DMXL1: variants seen among roughly 807,000 people sequenced by gnomAD.
The protein encoded by DMXL1 is Dmx like 1.
In DMXL1, 99 loss-of-function variants were observed where a neutral mutation model predicts 319.2. The observed-to-expected ratio is 0.31, with a 90% confidence interval of 0.26 to 0.37. The LOEUF (loss-of-function observed/expected upper bound fraction) is 0.37. Among genes scored for constraint, DMXL1 ranks in the 10% least tolerant of loss-of-function variants. DMXL1 has a pLI of 1.00. For missense variants in DMXL1, 3,745 were observed against 3,595.6 expected (o/e 1.04, Z -1.06); for synonymous variants, 1,385 against 1,235.2 (o/e 1.12, Z -2.54).
intron 13 of DMXL1, among the ~76,000 whole-genome samples, chr5:119,142,755 T>G (rs953824315): frequency 6.6e-6 from 1 of 152,062 alleles, no homozygotes; most frequent in Non-Finnish European, 1.5e-5. Flanking sequence ...ATTGCAGCAT[T>G]ATTCACAATA....
intron 3 of DMXL1, among the ~76,000 whole-genome samples, chr5:119,103,430 T>C (rs77941619): frequency 0.039 from 5,990 of 152,304 alleles, 316 homozygotes; most frequent in African/African-American, 0.12. Flanking sequence ...CTTCTTTTTA[T>C]GAATAAGGCA....
intron 34 of DMXL1, among the ~76,000 whole-genome samples, chr5:119,207,429 G>C: frequency 6.6e-6 from 1 of 152,092 alleles, no homozygotes; most frequent in East Asian, 1.9e-4. Context: ...AGTACTCATG[G>C]TACTTGAGAA....
rs915526183 is a variant in DMXL1 at position 119,158,687 on chromosome 5, C to T, written c.4703-5820C>T. 6.8e-4 allele frequency among the ~76,000 whole-genome samples: 104 copies of T among 152,254 alleles called. 1 individual carries two copies. Among genetic ancestry groups the T allele is most frequent in the Non-Finnish European group, 1.5e-4 (10 of 68,026 alleles). On this transcript the variant is annotated intron_variant, in intron 19 of 43. Transcript: ENST00000539542. ...ACACCTAATTTGGGAGAGTTTTTGT[C>T]ATGAAAGGATGTCGAATTTTATCAG...
Position 119,071,662 on chromosome 5 carries a change from TGAGG to T in DMXL1, c.87+11_87+14del, listed in dbSNP as rs1749588215. ...TTGGCGACCAGCGCTTCACGGTGAG[TGAGG>T]GAGGCCCTCGCGTCGCCCGTGGCCC... On this transcript the variant is annotated splice_region_variant and intron_variant, in intron 1 of 43. Coordinates refer to ENST00000539542, the MANE Select transcript of DMXL1 (RefSeq NM_001290321.3). The T allele has an allele frequency of 6.3e-7, 1 of 1,580,348 alleles. No homozygotes were observed. The highest frequency in any genetic ancestry group is 2.3e-5 in the East Asian group (1 of 42,972).
chr5:119,193,326 A>G (rs1315299958), intron 29 of DMXL1, among the ~76,000 whole-genome samples: 1 of 152,048 alleles, frequency 6.6e-6, no homozygotes, highest in Non-Finnish European at 1.5e-5. Flanking sequence ...ACTCTTTCCC[A>G]AACTCTTTCT....
At position 119,147,486 on chromosome 5, in the gene DMXL1, GAA is replaced by G. The variant is rs1303316735; in HGVS notation, c.2911+19_2911+20del. The G allele has an allele frequency of 6.3e-6, 10 of 1,575,264 alleles. No homozygotes were observed. The highest frequency in any genetic ancestry group is 1.7e-4 in the Middle Eastern group (1 of 5,972). The stretch of plus-strand genomic sequence containing the variant: ...CCATCAGCAGGTTTGTAAATTTTAT[GAA>G]AAGAGACTAATTTTGTAACACATGA... On this transcript the variant is annotated intron_variant, in intron 17 of 43. Coordinates refer to ENST00000539542, the MANE Select transcript of DMXL1 (RefSeq NM_001290321.3).
chr5:119,210,568 C>T lies in DMXL1; in HGVS notation c.7926+3672C>T, dbSNP rs1019556014. 2.6e-5 allele frequency among the ~76,000 whole-genome samples: 4 copies of T among 152,090 alleles called. No homozygotes were observed. In the East Asian group the frequency reaches 7.7e-4, roughly 29 times the overall value. ...TTTTCTTTCACTAAACTACCTCTTTCACCTTTTCAAAAATCAGTTGACACA... is the reference window on the plus strand; with the variant it reads ...TTTTCTTTCACTAAACTACCTCTTTTACCTTTTCAAAAATCAGTTGACACA... On this transcript the variant is annotated intron_variant, in intron 34 of 43. Coordinates refer to ENST00000539542, the MANE Select transcript of DMXL1 (RefSeq NM_001290321.3).
At chr5:119,113,957 A>G (rs1479176311) in intron 5 of DMXL1, among the ~76,000 whole-genome samples, 2 of 152,182 alleles carry the variant, frequency 1.3e-5, no homozygotes, top group African/African-American at 2.4e-5. Context: ...AGGGAAGGCA[A>G]TGAAGAGAAA....
chr5:119,085,575 A>G lies in DMXL1; in HGVS notation c.88-12404A>G, dbSNP rs141530656. On this transcript the variant is annotated intron_variant, in intron 1 of 43. Coordinates refer to ENST00000539542, the MANE Select transcript of DMXL1 (RefSeq NM_001290321.3). ...TTACTGAATTTGTTCATCCGTTCTA[A>G]CAGGTTTTTTTGGTGCAATCTTAAG... Among the ~76,000 whole-genome samples the G allele has an allele frequency of 4.6e-5, 7 of 152,198 alleles. No individual in the cohort carries two copies. The East Asian group carries it at 1.4e-3, about 29-fold the overall frequency.
chr5:119,242,636 A>G (rs1673903921), intron 42 of DMXL1, among the ~76,000 whole-genome samples: 2 of 152,364 alleles, frequency 1.3e-5, no homozygotes, highest in South Asian at 4.1e-4. Context: ...TGGGAAAGCA[A>G]AGGAATAGCC....
intron 5 of DMXL1, among the ~76,000 whole-genome samples, chr5:119,113,109 G>T (rs1384792698): frequency 6.6e-6 from 1 of 152,090 alleles, no homozygotes; most frequent in East Asian, 1.9e-4. Context: ...AAAATTATTT[G>T]AAATCATTGT....
intron 9 of DMXL1, among the ~76,000 whole-genome samples, chr5:119,124,215 T>TG (rs1762965683): frequency 6.7e-6 from 1 of 149,868 alleles, no homozygotes; most frequent in Admixed American, 6.7e-5. Context: ...CTTGGGAGGC[T>TG]GGGGCAGGAG....
At chr5:119,182,253 T>TAAATTTGGCCAGTGAA (rs1776911270) in intron 28 of DMXL1, among the ~76,000 whole-genome samples, 2 of 152,248 alleles carry the variant, frequency 1.3e-5, no homozygotes, top group Admixed American at 6.5e-5. Context: ...TAAAATTTTT[T>TAAATTTGGCCAGTGAA]ATCTTTTAAA....
At chr5:119,179,073 T>C (rs1776339733) in intron 28 of DMXL1, among the ~76,000 whole-genome samples, 2 of 152,146 alleles carry the variant, frequency 1.3e-5, no homozygotes, top group African/African-American at 4.8e-5. Context: ...GTTTTTGGAT[T>C]TCTAAGTGTT....
rs759352926 is a variant in DMXL1 at position 119,133,391 on chromosome 5, A to G, written c.1569+6A>G. On this transcript the variant is annotated splice_donor_region_variant and intron_variant, in intron 11 of 43. Coordinates refer to ENST00000539542, the MANE Select transcript of DMXL1 (RefSeq NM_001290321.3). ...GTATGTTTCGTCAAGTACAGGTACT[A>G]CTGTTATTTCTGGAGAGCTACTTCC... The G allele has an allele frequency of 1.0e-5, 16 of 1,606,032 alleles. No homozygotes were observed. The highest frequency in any genetic ancestry group is 1.3e-5 in the African/African-American group (1 of 74,728).
At chr5:119,128,033 A>G (rs1384299253) in intron 9 of DMXL1, 1 of 431,130 alleles carries the variant, frequency 2.3e-6, no homozygotes, top group South Asian at 1.9e-5. Flanking sequence ...ATGATTCTCC[A>G]TTTAGGTGGT....
intron 34 of DMXL1, among the ~76,000 whole-genome samples, chr5:119,214,217 C>G (rs1426119614): frequency 6.6e-6 from 1 of 152,160 alleles, no homozygotes; most frequent in African/African-American, 2.4e-5. Context: ...ACCCACCTAT[C>G]AGGCCTGACA....
intron 15 of DMXL1, among the ~76,000 whole-genome samples, chr5:119,144,989 C>T (rs1365616196): frequency 6.6e-6 from 1 of 151,720 alleles, no homozygotes; most frequent in Non-Finnish European, 1.5e-5. Context: ...TAGCTTAAAA[C>T]TTCAAGCTAG....
At chr5:119,102,744 A>T (rs150797106) in intron 3 of DMXL1, among the ~76,000 whole-genome samples, 1 of 152,178 alleles carries the variant, frequency 6.6e-6, no homozygotes, top group Non-Finnish European at 1.5e-5. Flanking sequence ...GTGGTGAGCA[A>T]TGATGGCACC....
Sources: allele counts gnomAD v4.1 joint callset (sites outside exome capture counted in the v4.1 genomes callset), GRCh38; gene constraint gnomAD v4.1.1; transcripts MANE v1.5; gene names NCBI Gene and HGNC (gene_info 2026-07-23, HGNC 2026-07-21).